Variants in CCDC102B observed in about 807,000 individuals in gnomAD.
The protein encoded by CCDC102B is coiled-coil domain-containing protein 102B.
A neutral mutation model predicts 57.4 loss-of-function variants in CCDC102B; 75 were observed. That is an observed-to-expected ratio of 1.31 (90% CI 1.08 to 1.58). The LOEUF (loss-of-function observed/expected upper bound fraction) is 1.58, where lower values mean the gene tolerates loss of function less well. Among genes scored for constraint, CCDC102B ranks in the 40% most tolerant of loss-of-function variants. The pLI is 0.00. For synonymous variants in CCDC102B, 206 were observed against 201.9 expected (o/e 1.02, Z -0.17); for missense variants, 636 against 582.6 (o/e 1.09, Z -0.94).
At chr18:69,014,417 A>G (rs181424325) in intron 7 of CCDC102B, among the ~76,000 whole-genome samples, 9 of 152,298 alleles carry the variant, frequency 5.9e-5, no homozygotes, top group Admixed American at 4.6e-4. Flanking sequence ...CCAGGCAGCT[A>G]TTTTCAGGGA....
chr18:68,982,233 C>T (rs950902947), intron 6 of CCDC102B, among the ~76,000 whole-genome samples: 1 of 150,144 alleles, frequency 6.7e-6, no homozygotes, highest in African/African-American at 2.5e-5. Context: ...TCATTCCTAA[C>T]AGTGTAAAAA....
chr18:69,037,946 C>A (rs1441416156), intron 7 of CCDC102B, among the ~76,000 whole-genome samples: 1 of 152,030 alleles, frequency 6.6e-6, no homozygotes, highest in African/African-American at 2.4e-5. Flanking sequence ...ACCTCAGGTA[C>A]TTTGCATTGC....
chr18:68,900,763 TA>T (rs1358305581), intron 6 of CCDC102B, among the ~76,000 whole-genome samples: 96 of 152,244 alleles, frequency 6.3e-4, no homozygotes, highest in Non-Finnish European at 1.2e-3. Flanking sequence ...ATAGGAACAT[TA>T]AAAGAACACA....
intron 4 of CCDC102B, among the ~76,000 whole-genome samples, chr18:68,863,282 C>T (rs956032991): frequency 6.6e-6 from 1 of 151,240 alleles, no homozygotes; most frequent in Admixed American, 6.6e-5. Context: ...TTTGCAATGC[C>T]CTATACTGTA....
At chr18:68,966,475 C>T (rs1013744264) in intron 6 of CCDC102B, among the ~76,000 whole-genome samples, 5 of 152,104 alleles carry the variant, frequency 3.3e-5, no homozygotes, top group Non-Finnish European at 7.4e-5. Context: ...TTTGTTATTG[C>T]TATGGTTACC....
intron 6 of CCDC102B, among the ~76,000 whole-genome samples, chr18:68,977,024 A>G (rs924940341): frequency 1.7e-4 from 26 of 152,114 alleles, no homozygotes; most frequent in Admixed American, 7.2e-4. Context: ...TTCTTCATAT[A>G]TATCCTATAA....
chr18:68,914,487 A>G (rs1378921683), intron 6 of CCDC102B, among the ~76,000 whole-genome samples: 1 of 152,236 alleles, frequency 6.6e-6, no homozygotes, highest in Admixed American at 6.5e-5. Flanking sequence ...ATAAAAATTT[A>G]TAAAGCATGC....
chr18:68,738,123 C>T (rs894514446), intron 2 of CCDC102B, among the ~76,000 whole-genome samples: 1 of 152,112 alleles, frequency 6.6e-6, no homozygotes, highest in Admixed American at 6.5e-5. Context: ...ACAAAGCCTA[C>T]TTTATCACAG....
chr18:68,992,277 A>G (rs534128650), intron 6 of CCDC102B, among the ~76,000 whole-genome samples: 1 of 152,240 alleles, frequency 6.6e-6, no homozygotes, highest in South Asian at 2.1e-4. Context: ...CATACAGGTG[A>G]TAAGTGGTTA....
chr18:68,806,841 T>C (rs1311908653), intron 1 of CCDC102B, among the ~76,000 whole-genome samples: 1 of 152,202 alleles, frequency 6.6e-6, no homozygotes, highest in African/African-American at 2.4e-5. Context: ...TTTACATTTT[T>C]ACGTTTCATG....
chr18:68,738,993 C>CTTA (rs1555695902), intron 2 of CCDC102B, among the ~76,000 whole-genome samples: 1 of 144,976 alleles, frequency 6.9e-6, no homozygotes. Context: ...GATGAGCAGC[C>CTTA]TTTTGTTTTT....
At chr18:68,993,602 T>C (rs573833755) in intron 6 of CCDC102B, among the ~76,000 whole-genome samples, 1 of 152,372 alleles carries the variant, frequency 6.6e-6, no homozygotes, top group East Asian at 1.9e-4. Context: ...TATATAATTC[T>C]GCAGCTTGCT....
intron 1 of CCDC102B, among the ~76,000 whole-genome samples, chr18:68,820,799 T>C (rs1276287270): frequency 6.6e-6 from 1 of 152,148 alleles, no homozygotes; most frequent in Admixed American, 6.6e-5. Flanking sequence ...GCATGGATCT[T>C]ATCCACATTG....
chr18:68,912,600 G>A (rs1315595870), intron 6 of CCDC102B, among the ~76,000 whole-genome samples: 2 of 152,162 alleles, frequency 1.3e-5, no homozygotes, highest in Non-Finnish European at 2.9e-5. Flanking sequence ...GTGTCTTTAA[G>A]GTGAGGATAG....
At chr18:69,035,137 T>C (rs1306118414) in intron 7 of CCDC102B, among the ~76,000 whole-genome samples, 1 of 152,044 alleles carries the variant, frequency 6.6e-6, no homozygotes, top group African/African-American at 2.4e-5. Flanking sequence ...ATATAACAAT[T>C]GCATTACTAG....
At chr18:68,832,766 AAG>A (rs10552781) in intron 1 of CCDC102B, among the ~76,000 whole-genome samples, 51,124 of 151,506 alleles carry the variant, frequency 0.34, 8,604 homozygotes, top group East Asian at 0.42. Flanking sequence ...AGCCAGGGGG[AAG>A]AGAGTCTGCG....
intron 6 of CCDC102B, among the ~76,000 whole-genome samples, chr18:68,947,261 A>T (rs1001976128): frequency 2.0e-5 from 3 of 151,970 alleles, no homozygotes; most frequent in Non-Finnish European, 2.9e-5. Context: ...CCTATCATTT[A>T]CATTTCTTGG....
chr18:68,880,518 C>A (rs570396502), intron 5 of CCDC102B, among the ~76,000 whole-genome samples: 166 of 152,324 alleles, frequency 1.1e-3, no homozygotes, highest in African/African-American at 3.9e-3. Context: ...CGCCGAGAGC[C>A]AGCGAGGGCT....
upstream of CCDC102B, chr18:68,798,068 A>C (rs2035694666): frequency 6.6e-6 from 1 of 152,086 alleles, no homozygotes; most frequent in African/African-American, 2.4e-5. Context: ...GCTGGAAATA[A>C]TCCTGTTGGC....
Sources: gnomAD v4.1 joint callset for allele counts (sites outside exome capture counted in the v4.1 genomes callset) on GRCh38, gnomAD v4.1.1 for gene constraint, MANE v1.5 for transcripts, NCBI Gene and HGNC (gene_info 2026-07-23, HGNC 2026-07-21) for gene names.